The following LSM8 variants were observed in gnomAD, a reference collection of about 807,000 sequenced individuals.
The protein encoded by LSM8 is LSM8 U6 small nuclear RNA associated.
A neutral mutation model predicts 15.0 loss-of-function variants in LSM8; 14 were observed. The observed-to-expected ratio is 0.93, with a 90% CI of 0.62 to 1.46. LSM8 has a LOEUF of 1.46. Among genes scored for constraint, LSM8 ranks in the 40% most tolerant of loss-of-function variants. LSM8 has a pLI of 0.00. For missense variants in LSM8, 90 were observed against 115.4 expected (o/e 0.78, Z 1.01); for synonymous variants, 50 against 42.1 (o/e 1.19, Z -0.73).
chr7:118,188,210 G>C, intron 2 of LSM8, 68 bp from the exon 3 acceptor site: 1 of 1,547,506 alleles, frequency 6.5e-7, no homozygotes, highest in Non-Finnish European at 8.9e-7. Context: ...AAATGACTGT[G>C]AGGTTAAATT....
In LSM8 at chr7:118,199,579, G is replaced by A. The variant is rs537454670; in HGVS notation, c.*7577G>A. On this transcript the variant is annotated 3_prime_UTR_variant, in exon 4 of 4. Transcript: ENST00000249299. ...TTTATGGAAAGGAAATTTTGGAATG[G>A]TGATTCTAACCTTTAAGGTTGGTGC... 4.6e-5 allele frequency among the ~76,000 whole-genome samples: 7 copies of A among 152,250 alleles called. No homozygotes were observed. In the South Asian group the frequency reaches 1.5e-3, roughly 32 times the overall value.
chr7:118,199,246 ACTAT>A lies in LSM8; in HGVS notation c.*7248_*7251del, dbSNP rs1809130755. Among the ~76,000 whole-genome samples the A allele has an allele frequency of 6.6e-6, 1 of 152,186 alleles. No individual in the cohort carries two copies. The highest frequency in any genetic ancestry group is 2.4e-5 in the African/African-American group (1 of 41,450). On this transcript the variant is annotated 3_prime_UTR_variant, in exon 4 of 4. Coordinates refer to ENST00000249299, the MANE Select transcript of LSM8 (RefSeq NM_016200.5). ...GTATGATCTTGGGGACCCCCAACTC[ACTAT>A]CTAAATAAAATTTTCATTGAAAATT... is the stretch of plus-strand genomic sequence containing the variant.
rs563903112 is a variant in LSM8 at position 118,200,878 on chromosome 7, T to C, written c.*8876T>C. Among the ~76,000 whole-genome samples, 1 of 152,210 alleles carries C rather than the reference T, an allele frequency of 6.6e-6. No individual in the cohort carries two copies. The highest frequency in any genetic ancestry group is 2.1e-4 in the South Asian group (1 of 4,826). ...TGTTTCTTGTAAAAAAGGAGGTTTC[T>C]AAATCTTGACTGTTGATTGACAATT... On this transcript the variant is annotated 3_prime_UTR_variant, in exon 4 of 4. Transcript: ENST00000249299.
At chr7:118,188,522 C>A (rs1808924549) in intron 3 of LSM8, 117 bp downstream of exon 3, 1 of 923,250 alleles carries the variant, frequency 1.1e-6, no homozygotes, top group Non-Finnish European at 1.5e-6. Context: ...ATCTTGCATT[C>A]ATTTCTTTCG....
Position 118,198,666 on chromosome 7 carries a change from A to G in LSM8, c.*6664A>G, listed in dbSNP as rs550941611. On this transcript the variant is annotated 3_prime_UTR_variant, in exon 4 of 4. Transcript: ENST00000249299. ...TCCATAGATGGTTAGGAAAACTTCA[A>G]ATTGGCAGACAGGAAGGCAAGAAGG... is the stretch of plus-strand genomic sequence containing the variant. Among the ~76,000 whole-genome samples the G allele has an allele frequency of 6.6e-6, 1 of 152,196 alleles. No individual in the cohort carries two copies. Among genetic ancestry groups the G allele is most frequent in the African/African-American group, 2.4e-5 (1 of 41,442 alleles).
chr7:118,200,241 A>C lies in LSM8; in HGVS notation c.*8239A>C, dbSNP rs536492235. On this transcript the variant is annotated 3_prime_UTR_variant, in exon 4 of 4. Transcript: ENST00000249299. ...CACATTATATTGGCTTTGTAGAGCC[A>C]TTGGAGGGAGTAATAGTTTCAGAGT... Among the ~76,000 whole-genome samples, 3 of 152,248 alleles carry C rather than the reference A, an allele frequency of 2.0e-5. No individual in the cohort carries two copies. Among genetic ancestry groups the C allele is most frequent in the African/African-American group, 7.2e-5 (3 of 41,562 alleles).
At position 118,193,813 on chromosome 7, in the gene LSM8, A is replaced by G. The variant is rs1308101222; in HGVS notation, c.*1811A>G. Among the ~76,000 whole-genome samples the G allele has an allele frequency of 6.6e-6, 1 of 152,108 alleles. No individual in the cohort carries two copies. Among genetic ancestry groups the G allele is most frequent in the African/African-American group, 2.4e-5 (1 of 41,446 alleles). ...AGTCCAGAGTCAGATCTTTTCTCAAAATACTTGGCATATCAACACATTACA... is the reference window on the plus strand; with the variant it reads ...AGTCCAGAGTCAGATCTTTTCTCAAGATACTTGGCATATCAACACATTACA... On this transcript the variant is annotated 3_prime_UTR_variant, in exon 4 of 4. Transcript: ENST00000249299.
intron 1 of LSM8, 46 bp from the exon 2 acceptor site, chr7:118,185,608 T>C: frequency 6.6e-7 from 1 of 1,526,172 alleles, no homozygotes; most frequent in South Asian, 1.1e-5. Context: ...GAGTCTGTTT[T>C]CAATTTGCAT....
rs1016662484 is a variant in LSM8, at chr7:118,195,328, T to G, written c.*3326T>G. ...CAAGATAAGGATAATAACAGCTATCTTCTTGGGTTGTAAAAAGTAGCATTA... is the reference window on the plus strand; with the variant it reads ...CAAGATAAGGATAATAACAGCTATCGTCTTGGGTTGTAAAAAGTAGCATTA... On this transcript the variant is annotated 3_prime_UTR_variant, in exon 4 of 4. Coordinates refer to ENST00000249299, the MANE Select transcript of LSM8 (RefSeq NM_016200.5). 6.6e-6 allele frequency among the ~76,000 whole-genome samples: 1 copy of G among 152,190 alleles called. No homozygotes were observed. Among genetic ancestry groups the G allele is most frequent in the African/African-American group, 2.4e-5 (1 of 41,444 alleles).
At chr7:118,185,756 T>C in intron 2 of LSM8, 62 bp downstream of exon 2, 1 of 1,466,402 alleles carries the variant, frequency 6.8e-7, no homozygotes, top group Non-Finnish European at 9.5e-7. Context: ...AAGTTTTATG[T>C]GAAACCTCTA....
At position 118,194,852 on chromosome 7, in the gene LSM8, G is replaced by T. The variant is rs769465781; in HGVS notation, c.*2850G>T. Among the ~76,000 whole-genome samples, 16 of 152,090 alleles carry T rather than the reference G, an allele frequency of 1.1e-4. No individual in the cohort carries two copies. Among genetic ancestry groups the T allele is most frequent in the Admixed American group, 5.9e-4 (9 of 15,262 alleles). On this transcript the variant is annotated 3_prime_UTR_variant, in exon 4 of 4. Coordinates refer to ENST00000249299, the MANE Select transcript of LSM8 (RefSeq NM_016200.5). ...TTATTGAGTGCATATCATGTGCCAG[G>T]CCTGGTGCTGAGTGCTTACAATGAT...
At chr7:118,184,449 C>T in intron 1 of LSM8, 195 bp downstream of exon 1, 1 of 552,258 alleles carries the variant, frequency 1.8e-6, no homozygotes, top group East Asian at 3.5e-5. Context: ...GGGTCCTTTC[C>T]ATTTTGCCTG....
In LSM8 at chr7:118,194,451, C is replaced by T. The variant is rs935345042; in HGVS notation, c.*2449C>T. 2.0e-5 allele frequency among the ~76,000 whole-genome samples: 3 copies of T among 151,566 alleles called. No homozygotes were observed. Among genetic ancestry groups the T allele is most frequent in the South Asian group, 2.1e-4 (1 of 4,816 alleles). On this transcript the variant is annotated 3_prime_UTR_variant, in exon 4 of 4. Coordinates refer to ENST00000249299, the MANE Select transcript of LSM8 (RefSeq NM_016200.5). Reference sequence around the variant, plus strand: ...TGTCAAAGCACTTTGGTAACTTGGCCTCACATGCTGACAGTTTTGGCTAAA... The same window carrying T: ...TGTCAAAGCACTTTGGTAACTTGGCTTCACATGCTGACAGTTTTGGCTAAA...
intron 1 of LSM8, chr7:118,185,198 T>C (rs1229166684): frequency 6.6e-6 from 1 of 152,654 alleles, no homozygotes; most frequent in Non-Finnish European, 1.5e-5. Flanking sequence ...TTTCTATTTT[T>C]TCCCTTTTTT....
In LSM8 at chr7:118,195,434, C is replaced by G. The variant is rs1463459776; in HGVS notation, c.*3432C>G. Among the ~76,000 whole-genome samples, 2 of 152,030 alleles carry G rather than the reference C, an allele frequency of 1.3e-5. No homozygotes were observed. Among genetic ancestry groups the G allele is most frequent in the African/African-American group, 4.8e-5 (2 of 41,392 alleles). ...TAATACTATTCCAGGTAGTCAAAGG[C>G]CAATGTATAAAAGTTAAAAATATAG... On this transcript the variant is annotated 3_prime_UTR_variant, in exon 4 of 4. Transcript: ENST00000249299.
In LSM8 at chr7:118,197,614, T is replaced by A. The variant is rs945263466; in HGVS notation, c.*5612T>A. Reference sequence around the variant, plus strand: ...TTTTTTATTTTAAAATTTAAATTTTTATTTTAAAAAATAGCTCTCTGAATC... The same window carrying A: ...TTTTTTATTTTAAAATTTAAATTTTAATTTTAAAAAATAGCTCTCTGAATC... On this transcript the variant is annotated 3_prime_UTR_variant, in exon 4 of 4. Transcript: ENST00000249299. 6.6e-6 allele frequency among the ~76,000 whole-genome samples: 1 copy of A among 152,244 alleles called. No individual in the cohort carries two copies. Among genetic ancestry groups the A allele is most frequent in the Non-Finnish European group, 1.5e-5 (1 of 68,044 alleles).
rs1056617942 is a variant in LSM8 at position 118,194,455 on chromosome 7, C to T, written c.*2453C>T. On this transcript the variant is annotated 3_prime_UTR_variant, in exon 4 of 4. Coordinates refer to ENST00000249299, the MANE Select transcript of LSM8 (RefSeq NM_016200.5). ...AAAGCACTTTGGTAACTTGGCCTCA[C>T]ATGCTGACAGTTTTGGCTAAATATT... Among the ~76,000 whole-genome samples, 1 of 151,318 alleles carries T rather than the reference C, an allele frequency of 6.6e-6. No homozygotes were observed. Among genetic ancestry groups the T allele is most frequent in the African/African-American group, 2.4e-5 (1 of 41,100 alleles).
rs78940680 is a variant in LSM8 at position 118,193,069 on chromosome 7, A to T, written c.*1067A>T. Reference sequence around the variant, plus strand: ...TAATTGAAACAAATTTAAATAGTTTATTTGTTTTGTTTTTATGAAAGTGCT... The same window carrying T: ...TAATTGAAACAAATTTAAATAGTTTTTTTGTTTTGTTTTTATGAAAGTGCT... On this transcript the variant is annotated 3_prime_UTR_variant, in exon 4 of 4. Coordinates refer to ENST00000249299, the MANE Select transcript of LSM8 (RefSeq NM_016200.5). Among the ~76,000 whole-genome samples, 1 of 152,058 alleles carries T rather than the reference A, an allele frequency of 6.6e-6. No individual in the cohort carries two copies. Among genetic ancestry groups the T allele is most frequent in the African/African-American group, 2.4e-5 (1 of 41,406 alleles).
chr7:118,187,268 T>A (rs1353036260), intron 2 of LSM8, among the ~76,000 whole-genome samples: 1 of 152,254 alleles, frequency 6.6e-6, no homozygotes, highest in Admixed American at 6.5e-5. Flanking sequence ...ACTTGAGAGG[T>A]TTAACCATCA....
Sources: allele counts gnomAD v4.1 joint callset (sites outside exome capture counted in the v4.1 genomes callset), GRCh38; gene constraint gnomAD v4.1.1; transcripts MANE v1.5; gene names NCBI Gene and HGNC (gene_info 2026-07-23, HGNC 2026-07-21).